Variants in ME1 observed in about 807,000 individuals in gnomAD.
ME1 encodes NADP-dependent malic enzyme.
Under a neutral mutation model 66.4 loss-of-function variants are expected in ME1, and 74 were observed. The observed-to-expected ratio is 1.11, with a 90% CI of 0.92 to 1.35. The LOEUF (loss-of-function observed/expected upper bound fraction) is 1.35, where lower values mean the gene tolerates loss of function less well. ME1 is among the 40% of genes most tolerant of loss of function. The pLI is 0.00. For synonymous variants in ME1, 251 were observed against 235.6 expected (o/e 1.07, Z -0.60); for missense variants, 750 against 694.1 (o/e 1.08, Z -0.90).
intron 3 of ME1, among the ~76,000 whole-genome samples, chr6:83,385,689 A>G (rs931150722): frequency 6.6e-6 from 1 of 151,882 alleles, no homozygotes; most frequent in Non-Finnish European, 1.5e-5. Context: ...CATTTTTTCC[A>G]TTCTCCAAAT....
intron 7 of ME1, among the ~76,000 whole-genome samples, chr6:83,250,827 G>T (rs1376109263): frequency 6.6e-6 from 1 of 152,178 alleles, no homozygotes; most frequent in African/African-American, 2.4e-5. Context: ...TAGACCAAAG[G>T]TTGGCAAACT....
chr6:83,281,991 T>C (rs1170500), intron 6 of ME1, among the ~76,000 whole-genome samples: 52,640 of 150,186 alleles, frequency 0.35, 9,437 homozygotes, highest in Middle Eastern at 0.49. Context: ...TCAGAGCTTC[T>C]GGAATTGAAA....
intron 13 of ME1, 42 bp from the exon 14 acceptor site, chr6:83,212,136 G>C: frequency 2.1e-6 from 3 of 1,445,518 alleles, no homozygotes; most frequent in Non-Finnish European, 2.8e-6. Context: ...AATAAATAGA[G>C]GTAATCATGA....
Position 83,346,232 on chromosome 6 carries a change from C to T in ME1, c.541G>A (p.Gly181Arg), listed in dbSNP as rs763761864. The stretch of plus-strand genomic sequence containing the variant: ...AGACATTCTTGAGGATTCATCCCTC[C>T]GCAAGCTGTATATAGAGCCAATTTA... ...VGKLALYTAC[G>R]GMNPQECLPV... The change falls in exon 5 of 14, where the codon GGA becomes AGA. Residue 181 changes from glycine (G) to arginine (R), a missense_variant. Coordinates refer to ENST00000369705, the MANE Select transcript of ME1 (RefSeq NM_002395.6). The T allele has an allele frequency of 1.5e-5, 24 of 1,612,568 alleles. No homozygotes were observed. In the Middle Eastern group the frequency reaches 4.9e-4, roughly 33 times the overall value.
chr6:83,407,067 T>G (rs1039497405), intron 2 of ME1, among the ~76,000 whole-genome samples: 11 of 152,006 alleles, frequency 7.2e-5, no homozygotes, highest in African/African-American at 2.7e-4. Context: ...CAACACTTAT[T>G]TGATATTGAG....
At chr6:83,268,227 A>G (rs533557854) in intron 6 of ME1, among the ~76,000 whole-genome samples, 1 of 152,298 alleles carries the variant, frequency 6.6e-6, no homozygotes, top group South Asian at 2.1e-4. Context: ...CAAATCCTAT[A>G]AAGAAAATGC....
chr6:83,326,285 A>T (rs1286389417), intron 5 of ME1, among the ~76,000 whole-genome samples: 1 of 152,148 alleles, frequency 6.6e-6, no homozygotes, highest in Admixed American at 6.6e-5. Context: ...AACTATAAAA[A>T]CCCTAGAAGA....
chr6:83,407,624 A>G (rs1298875114), intron 2 of ME1, 144 bp downstream of exon 2: 2 of 819,382 alleles, frequency 2.4e-6, no homozygotes, highest in Non-Finnish European at 3.6e-6. Context: ...TTTTTTAAAA[A>G]CATCATTGTG....
chr6:83,283,247 A>AATG (rs1186424091), intron 6 of ME1, among the ~76,000 whole-genome samples: 2 of 144,220 alleles, frequency 1.4e-5, no homozygotes, highest in Admixed American at 1.4e-4. Context: ...AAAAAAAAAA[A>AATG]ATGATGAGTT....
Position 83,394,823 on chromosome 6 carries a change from A to G in ME1, c.362+3544T>C, listed in dbSNP as rs75418412. The stretch of plus-strand genomic sequence containing the variant: ...TATTTCGATTGTTTCTTCTTTCAAA[A>G]AGTATTGAAACTAATATAATGAATA... On this transcript the variant is annotated intron_variant, in intron 3 of 13. Transcript: ENST00000369705. 5.8e-3 allele frequency among the ~76,000 whole-genome samples: 890 copies of G among 152,292 alleles called. 8 individuals are homozygous for G. The highest frequency in any genetic ancestry group is 0.02 in the African/African-American group (851 of 41,572).
intron 5 of ME1, among the ~76,000 whole-genome samples, chr6:83,343,324 T>G (rs1768625262): frequency 6.6e-6 from 1 of 152,194 alleles, no homozygotes. Context: ...GTACTCAATG[T>G]TGGTCTAATT....
intron 6 of ME1, among the ~76,000 whole-genome samples, chr6:83,258,418 T>A (rs1204757202): frequency 1.3e-5 from 2 of 152,144 alleles, no homozygotes; most frequent in African/African-American, 4.8e-5. Context: ...ACTATAAAAT[T>A]ATAAGTAGTG....
intron 6 of ME1, among the ~76,000 whole-genome samples, chr6:83,308,406 T>TAGAG (rs1767864165): frequency 6.6e-6 from 1 of 151,444 alleles, no homozygotes; most frequent in African/African-American, 2.4e-5. Flanking sequence ...AATTCTAATA[T>TAGAG]AGAGAATTTT....
intron 3 of ME1, among the ~76,000 whole-genome samples, chr6:83,374,602 T>C (rs2128547621): frequency 1.3e-5 from 2 of 152,366 alleles, no homozygotes; most frequent in Admixed American, 1.3e-4. Context: ...TTAGTTTAAG[T>C]AGATCCCATT....
At chr6:83,386,641 C>T (rs1769508256) in intron 3 of ME1, among the ~76,000 whole-genome samples, 1 of 151,898 alleles carries the variant, frequency 6.6e-6, no homozygotes, top group South Asian at 2.1e-4. Context: ...TTATAATTGT[C>T]AAATAACAAG....
intron 13 of ME1, among the ~76,000 whole-genome samples, chr6:83,212,551 A>C (rs1789912142): frequency 6.6e-6 from 1 of 152,194 alleles, no homozygotes; most frequent in Non-Finnish European, 1.5e-5. Context: ...TCTAGACACC[A>C]CAGTCAGGAT....
intron 5 of ME1, among the ~76,000 whole-genome samples, chr6:83,345,866 T>TA (rs1241939789): frequency 2.6e-5 from 4 of 152,190 alleles, no homozygotes; most frequent in East Asian, 1.9e-4. Flanking sequence ...TCCTATATAA[T>TA]AAAAAAATAA....
intron 9 of ME1, 28 bp from the exon 10 acceptor site, chr6:83,228,959 A>C: frequency 6.8e-7 from 1 of 1,472,966 alleles, no homozygotes; most frequent in Non-Finnish European, 9.3e-7. Flanking sequence ...GAAAAAATTA[A>C]GAATCTGCCA....
At chr6:83,406,768 C>A (rs1373261533) in intron 2 of ME1, among the ~76,000 whole-genome samples, 1 of 152,130 alleles carries the variant, frequency 6.6e-6, no homozygotes, top group Non-Finnish European at 1.5e-5. Context: ...GGTGGGCCTC[C>A]TCCAAATGGC....
Sources: gnomAD v4.1 joint callset for allele counts (sites outside exome capture counted in the v4.1 genomes callset) on GRCh38, gnomAD v4.1.1 for gene constraint, MANE v1.5 for transcripts, NCBI Gene and HGNC (gene_info 2026-07-23, HGNC 2026-07-21) for gene names.